Variants in PCDHGB3 observed in about 807,000 individuals in gnomAD.
PCDHGB3 encodes protocadherin gamma-B3.
In PCDHGB3, 40 loss-of-function variants were observed where a neutral mutation model predicts 59.2. The ratio of observed to expected loss-of-function variants is 0.68; its 90% CI spans 0.52 to 0.88. PCDHGB3 has a LOEUF of 0.88. PCDHGB3 is among the 40% of genes least tolerant of loss of function. The pLI is 0.00. For synonymous variants in PCDHGB3, 581 were observed against 503.6 expected (o/e 1.15, Z -2.06); for missense variants, 1,309 against 1,187.9 (o/e 1.10, Z -1.50).
intron 1 of PCDHGB3, chr5:141,375,742 G>A: frequency 6.2e-7 from 1 of 1,614,216 alleles, no homozygotes; most frequent in Non-Finnish European, 8.5e-7. Context: ...TGTTTGTGCT[G>A]GACCAGAATG....
intron 1 of PCDHGB3, chr5:141,418,374 T>C: frequency 1.2e-6 from 2 of 1,613,968 alleles, no homozygotes; most frequent in Non-Finnish European, 1.7e-6. Flanking sequence ...AAATACCAAC[T>C]AAGTCCTAAC....
chr5:141,393,520 A>G, intron 1 of PCDHGB3: 2 of 1,614,038 alleles, frequency 1.2e-6, no homozygotes, highest in Non-Finnish European at 1.7e-6. Context: ...TTGGATACAA[A>G]TGACAATGCC....
intron 1 of PCDHGB3, among the ~76,000 whole-genome samples, chr5:141,449,281 G>A (rs1051064124): frequency 6.6e-6 from 1 of 151,946 alleles, no homozygotes; most frequent in Non-Finnish European, 1.5e-5. Context: ...TCCTTCACCC[G>A]GATGCACCGG....
chr5:141,370,845 A>T lies in PCDHGB3; in HGVS notation c.451A>T (p.Thr151Ser). The change falls in exon 1 of 4, where the codon ACA becomes TCA. Residue 151 changes from threonine (T) to serine (S), a missense_variant. By Grantham distance (58) the Thr-to-Ser change is moderately conservative. Coordinates refer to ENST00000576222, the MANE Select transcript of PCDHGB3 (RefSeq NM_018924.5). ...EISELALTGA[T>S]FALESAQDPD... ...CAGCGAACTGGCTCTCACTGGAGCCACATTTGCCCTGGAATCTGCGCAAGA... is the reference window on the plus strand; with the variant it reads ...CAGCGAACTGGCTCTCACTGGAGCCTCATTTGCCCTGGAATCTGCGCAAGA... 6.2e-7 allele frequency: 1 copy of T among 1,614,066 alleles called. No homozygotes were observed. Among genetic ancestry groups the T allele is most frequent in the South Asian group, 1.1e-5 (1 of 91,088 alleles).
At chr5:141,413,606 T>C (rs756987695) in intron 1 of PCDHGB3, 1 of 1,613,848 alleles carries the variant, frequency 6.2e-7, no homozygotes, top group Admixed American at 1.7e-5. Context: ...AATCTAGACG[T>C]AAAAATTAAT....
chr5:141,372,223 A>G lies in PCDHGB3; in HGVS notation c.1829A>G (p.Gln610Arg). ...YNAWLSYHIV[Q>R]ASEPGLFSLG... Reference sequence around the variant, plus strand: ...GCCTGGCTGTCCTACCACATTGTGCAGGCCAGCGAGCCCGGGCTGTTCAGC... The same window carrying G: ...GCCTGGCTGTCCTACCACATTGTGCGGGCCAGCGAGCCCGGGCTGTTCAGC... The change falls in exon 1 of 4, where the codon CAG (glutamine) becomes CGG (arginine). Residue 610 changes from glutamine (Q) to arginine (R), a missense_variant. Gln to Arg is a conservative substitution (Grantham distance 43). Coordinates refer to ENST00000576222, the MANE Select transcript of PCDHGB3 (RefSeq NM_018924.5). 1 of 1,613,464 alleles carries G rather than the reference A, an allele frequency of 6.2e-7. No homozygotes were observed. The highest frequency in any genetic ancestry group is 8.5e-7 in the Non-Finnish European group (1 of 1,179,876).
At position 141,371,904 on chromosome 5, in the gene PCDHGB3, T is replaced by A. The variant is rs1375493299; in HGVS notation, c.1510T>A (p.Tyr504Asn). The stretch of plus-strand genomic sequence containing the variant: ...CCTGGAGCCGCGGGAGCTGTCGTCC[T>A]ACGTGTCCGTGAGCGCGCGGAGCGG... ...SDLEPRELSSYVSVSARSGVV... is the reference protein window; with the variant it reads ...SDLEPRELSSNVSVSARSGVV... Residue 504 changes from tyrosine (Y) to asparagine (N), a missense_variant, in exon 1 of 4, where the codon TAC becomes AAC. Physicochemically the swap from Tyr to Asn is moderately radical, Grantham distance 143 (BLOSUM62 -2). Coordinates refer to ENST00000576222, the MANE Select transcript of PCDHGB3 (RefSeq NM_018924.5). 6.2e-7 allele frequency: 1 copy of A among 1,613,398 alleles called. No homozygotes were observed.
rs564486909 is a variant in PCDHGB3, at chr5:141,428,072, G to A, written c.2415+55263G>A. The A allele has an allele frequency of 1.6e-5, 25 of 1,609,080 alleles. No individual in the cohort carries two copies. The South Asian group carries it at 1.9e-4, about 12-fold the overall frequency. On this transcript the variant is annotated intron_variant, in intron 1 of 3. Coordinates refer to ENST00000576222, the MANE Select transcript of PCDHGB3 (RefSeq NM_018924.5). The stretch of plus-strand genomic sequence containing the variant: ...AGGTGGTGGCGGTGGACGCAGATTC[G>A]GGACACAACGCTTGGCTGTCCTACC...
At chr5:141,472,172 T>A (rs548514406) in intron 1 of PCDHGB3, among the ~76,000 whole-genome samples, 11 of 152,326 alleles carry the variant, frequency 7.2e-5, no homozygotes, top group African/African-American at 2.6e-4. Context: ...AGGTGTAATA[T>A]CCAGTATTGG....
At chr5:141,441,537 C>A in intron 1 of PCDHGB3, 1 of 173,250 alleles carries the variant, frequency 5.8e-6, no homozygotes, top group Non-Finnish European at 1.2e-5. Context: ...ACAATCTTCC[C>A]AAAGCCTCCA....
rs146919978 is a variant in PCDHGB3, at chr5:141,489,268, G to A, written c.2416-5539G>A. 1,443 of 1,553,166 alleles carry A rather than the reference G, an allele frequency of 9.3e-4. 2 individuals are homozygous for A. The highest frequency in any genetic ancestry group is 1.2e-3 in the Non-Finnish European group (1,381 of 1,149,786). On this transcript the variant is annotated intron_variant, in intron 1 of 3. Transcript: ENST00000576222. The surrounding 1 kb of genome is among the most constrained non-coding windows in gnomAD (Gnocchi z 4.5). ...GGGGCCCAAGACACTCCCACAGCTCGCTGGGAAATGGCAAGTGCTGTGCAT... is the reference window on the plus strand; with the variant it reads ...GGGGCCCAAGACACTCCCACAGCTCACTGGGAAATGGCAAGTGCTGTGCAT...
Position 141,432,521 on chromosome 5 carries a change from G to C in PCDHGB3, c.2415+59712G>C. ...CCGCTCCGCAGAGCCCGGCTACCTG[G>C]TGACCAAGGTGGTGGCGGTGGACAG... On this transcript the variant is annotated intron_variant, in intron 1 of 3. Transcript: ENST00000576222. The surrounding 1 kb of genome is among the most constrained non-coding windows in gnomAD (Gnocchi z 6.0). 1.2e-6 allele frequency: 2 copies of C among 1,614,112 alleles called. No individual in the cohort carries two copies. The highest frequency in any genetic ancestry group is 1.7e-6 in the Non-Finnish European group (2 of 1,180,028).
At chr5:141,472,412 G>C (rs1283620276) in intron 1 of PCDHGB3, among the ~76,000 whole-genome samples, 1 of 152,058 alleles carries the variant, frequency 6.6e-6, no homozygotes, top group Non-Finnish European at 1.5e-5. Context: ...GTGGTGGCAC[G>C]CACCTGTATC....
chr5:141,488,095 A>G (rs78361634), intron 1 of PCDHGB3, among the ~76,000 whole-genome samples: 8,142 of 152,146 alleles, frequency 0.054, 446 homozygotes, highest in African/African-American at 0.15. Flanking sequence ...CTGTGAAGGG[A>G]CCTCTCTATT....
intron 1 of PCDHGB3, chr5:141,419,596 G>T: frequency 6.2e-7 from 1 of 1,611,682 alleles, no homozygotes; most frequent in Non-Finnish European, 8.5e-7. Flanking sequence ...ACACAGTGCC[G>T]CGGGCCGCGC....
chr5:141,406,877 A>T (rs4912750), intron 1 of PCDHGB3, among the ~76,000 whole-genome samples: 9,155 of 152,322 alleles, frequency 0.06, 381 homozygotes, highest in Non-Finnish European at 0.089. Flanking sequence ...ACTGCTGGGA[A>T]GATTCTAAAA....
chr5:141,420,458 C>A, intron 1 of PCDHGB3: 3 of 925,194 alleles, frequency 3.2e-6, no homozygotes, highest in Non-Finnish European at 2.9e-6. Context: ...TCCTACTATT[C>A]AAAGACATTT....
intron 1 of PCDHGB3, chr5:141,423,138 C>G (rs767107885): frequency 1.2e-6 from 2 of 1,613,606 alleles, no homozygotes; most frequent in Non-Finnish European, 1.7e-6. Flanking sequence ...TGGACAGAGA[C>G]GCGCTCAAGC....
At chr5:141,394,256 C>G in intron 1 of PCDHGB3, 1 of 1,613,942 alleles carries the variant, frequency 6.2e-7, no homozygotes, top group Non-Finnish European at 8.5e-7. Flanking sequence ...ACCCCGACAG[C>G]CAGGAGAATG....
Sources: allele counts gnomAD v4.1 joint callset (sites outside exome capture counted in the v4.1 genomes callset), GRCh38; gene constraint gnomAD v4.1.1; non-coding constraint Gnocchi (gnomAD v3.1); transcripts MANE v1.5; gene names NCBI Gene and HGNC (gene_info 2026-07-23, HGNC 2026-07-21).